NEK10: variants seen among roughly 807,000 people sequenced by gnomAD.
The protein encoded by NEK10 is serine/threonine-protein kinase Nek10.
NEK10 carries 122 observed loss-of-function variants against 159.8 expected under a neutral mutation model. The ratio of observed to expected loss-of-function variants is 0.76; its 90% CI spans 0.66 to 0.89. NEK10 has a LOEUF of 0.89. Ranked by LOEUF, NEK10 falls within the 40% of genes least tolerant of loss-of-function variation. The pLI, the probability that NEK10 is intolerant of heterozygous loss-of-function variation, is 0.00. For missense variants in NEK10, 1,342 were observed against 1,323.1 expected, an observed-to-expected ratio of 1.01 and a Z score of -0.22; for synonymous variants, 466 against 457.1, an observed-to-expected ratio of 1.02 and a Z score of -0.25.
chr3:27,331,000 C>T (rs1471937765), intron 5 of NEK10, among the ~76,000 whole-genome samples: 6 of 152,008 alleles, frequency 3.9e-5, no homozygotes, highest in Admixed American at 2.6e-4. Flanking sequence ...CTTTGGGAGG[C>T]CGAAGTGGGC....
intron 25 of NEK10, among the ~76,000 whole-genome samples, chr3:27,193,388 T>C (rs1002175247): frequency 2.0e-5 from 3 of 152,152 alleles, no homozygotes; most frequent in African/African-American, 7.2e-5. Flanking sequence ...ATTATTTCTC[T>C]ACTCAAAATT....
intron 28 of NEK10, among the ~76,000 whole-genome samples, chr3:27,172,895 A>C (rs1360370305): frequency 1.3e-5 from 2 of 152,178 alleles, no homozygotes; most frequent in Non-Finnish European, 2.9e-5. Context: ...GTAGGTAGGA[A>C]ATATTCTAGG....
At chr3:27,243,488 T>C (rs1245145171) in intron 23 of NEK10, among the ~76,000 whole-genome samples, 1 of 152,226 alleles carries the variant, frequency 6.6e-6, no homozygotes, top group Non-Finnish European at 1.5e-5. Flanking sequence ...ATTATATGTT[T>C]ACCCTCATCA....
intron 26 of NEK10, among the ~76,000 whole-genome samples, chr3:27,190,056 C>T (rs1367400061): frequency 6.6e-6 from 1 of 152,098 alleles, no homozygotes; most frequent in Non-Finnish European, 1.5e-5. Context: ...AAAAGCTATG[C>T]TCATTTATAT....
chr3:27,164,686 T>C (rs1946324118), intron 29 of NEK10, among the ~76,000 whole-genome samples: 1 of 152,308 alleles, frequency 6.6e-6, no homozygotes, highest in East Asian at 1.9e-4. Context: ...CTTCCTTAAG[T>C]GTTGGTCATT....
chr3:27,238,121 T>C (rs1003870318), intron 23 of NEK10, among the ~76,000 whole-genome samples: 1 of 152,240 alleles, frequency 6.6e-6, no homozygotes, highest in Non-Finnish European at 1.5e-5. Flanking sequence ...AATTTAGTTT[T>C]AGCCAAGAAT....
At chr3:27,321,014 C>CG (rs1451810855) in intron 6 of NEK10, among the ~76,000 whole-genome samples, 7 of 152,128 alleles carry the variant, frequency 4.6e-5, no homozygotes, top group African/African-American at 1.7e-4. Context: ...CCCTGTAAAA[C>CG]AGAGGATGGT....
chr3:27,162,541 T>C (rs1453307824), intron 30 of NEK10, 160 bp downstream of exon 30: 12 of 1,614,028 alleles, frequency 7.4e-6, no homozygotes, highest in Non-Finnish European at 1.0e-5. Flanking sequence ...CTCTATTTCC[T>C]TAATGTGGGC....
At chr3:27,142,811 A>T (rs1454856858) in intron 30 of NEK10, among the ~76,000 whole-genome samples, 1 of 152,218 alleles carries the variant, frequency 6.6e-6, no homozygotes, top group Non-Finnish European at 1.5e-5. Context: ...AAATATAAAC[A>T]TTCAAAGAAA....
At chr3:27,190,476 G>T (rs559743368) in intron 26 of NEK10, among the ~76,000 whole-genome samples, 1 of 152,142 alleles carries the variant, frequency 6.6e-6, no homozygotes, top group African/African-American at 2.4e-5. Context: ...ATAAACGTTT[G>T]AAGTTTTCCA....
At chr3:27,283,944 A>C (rs921630872) in intron 22 of NEK10, among the ~76,000 whole-genome samples, 3 of 152,178 alleles carry the variant, frequency 2.0e-5, no homozygotes, top group Non-Finnish European at 4.4e-5. Context: ...AAAACCTGAA[A>C]ACCATTGATT....
At chr3:27,317,292 G>C (rs559490378) in intron 6 of NEK10, among the ~76,000 whole-genome samples, 1 of 152,110 alleles carries the variant, frequency 6.6e-6, no homozygotes, top group Non-Finnish European at 1.5e-5. Context: ...TATACACATG[G>C]GCTTAACACT....
chr3:27,223,246 T>A (rs1952296771), intron 23 of NEK10, among the ~76,000 whole-genome samples: 1 of 152,248 alleles, frequency 6.6e-6, no homozygotes, highest in African/African-American at 2.4e-5. Flanking sequence ...GGCTCTTTCC[T>A]GTCTGGAAAC....
chr3:27,321,048 A>G (rs1454188834), intron 6 of NEK10, among the ~76,000 whole-genome samples: 3 of 152,182 alleles, frequency 2.0e-5, no homozygotes, highest in Non-Finnish European at 2.9e-5. Flanking sequence ...TTGGCACTTA[A>G]AGGAAACATA....
At chr3:27,144,581 C>T (rs1944112993) in intron 30 of NEK10, among the ~76,000 whole-genome samples, 1 of 152,168 alleles carries the variant, frequency 6.6e-6, no homozygotes, top group African/African-American at 2.4e-5. Context: ...TTCCACTGTG[C>T]CAATCTGATT....
intron 30 of NEK10, among the ~76,000 whole-genome samples, chr3:27,148,937 C>G (rs535044642): frequency 7.6e-4 from 115 of 152,046 alleles, no homozygotes; most frequent in African/African-American, 2.1e-3. Context: ...CTAAAATGAC[C>G]ATGAAAAAAA....
intron 25 of NEK10, among the ~76,000 whole-genome samples, chr3:27,197,630 C>T (rs13076466): frequency 0.23 from 35,737 of 152,106 alleles, 4,552 homozygotes; most frequent in Middle Eastern, 0.38. Flanking sequence ...TATCCTGCAA[C>T]TTCGCTGAAG....
intron 1 of NEK10, among the ~76,000 whole-genome samples, chr3:27,364,348 TTGTGTG>T (rs4016621): frequency 0.031 from 3,683 of 120,512 alleles, 118 homozygotes; most frequent in East Asian, 0.12. Flanking sequence ...GCCTGGCTAA[TTGTGTG>T]TGTGTGTGTG....
chr3:27,160,397 T>C (rs1417673466), intron 30 of NEK10, among the ~76,000 whole-genome samples: 1 of 152,188 alleles, frequency 6.6e-6, no homozygotes, highest in Admixed American at 6.5e-5. Context: ...AAGCAACCAA[T>C]CATCCAAATT....
Sources: allele counts gnomAD v4.1 joint callset (sites outside exome capture counted in the v4.1 genomes callset), GRCh38; gene constraint gnomAD v4.1.1; transcripts MANE v1.5; gene names NCBI Gene and HGNC (gene_info 2026-07-23, HGNC 2026-07-21).